PELO: variants seen among roughly 807,000 people sequenced by gnomAD.
PELO encodes the protein protein pelota homolog.
Under a neutral mutation model 25.9 loss-of-function variants are expected in PELO, and 19 were observed. The ratio of observed to expected loss-of-function variants is 0.73; its 90% confidence interval spans 0.51 to 1.08. The LOEUF (loss-of-function observed/expected upper bound fraction) is 1.08. PELO is among the 50% of genes least tolerant of loss of function. PELO has a pLI of 0.00. For missense variants in PELO, 498 were observed against 491.4 expected, an observed-to-expected ratio of 1.01 and a Z score of -0.13; for synonymous variants, 196 against 192.2, an observed-to-expected ratio of 1.02 and a Z score of -0.16.
intron 1 of PELO, among the ~76,000 whole-genome samples, chr5:52,794,194 G>T (rs755496882): frequency 1.2e-4 from 18 of 151,780 alleles, no homozygotes; most frequent in Admixed American, 3.9e-4. Flanking sequence ...TACTCTTTTT[G>T]TATGAATTAT....
chr5:52,789,258 T>TG (rs369705961), intron 1 of PELO, among the ~76,000 whole-genome samples: 3 of 151,770 alleles, frequency 2.0e-5, no homozygotes, highest in Non-Finnish European at 2.9e-5. Context: ...TGGAAGAAGG[T>TG]GGGGGGAAAG....
intron 1 of PELO, among the ~76,000 whole-genome samples, chr5:52,798,107 CT>C (rs199573378): frequency 6.6e-6 from 1 of 152,168 alleles, no homozygotes; most frequent in African/African-American, 2.4e-5. Context: ...TAACAAGATA[CT>C]TTTTTTAAAA....
rs1372608245 is a variant in PELO, at chr5:52,800,127, C to T, written c.-268C>T. Reference sequence around the variant, plus strand: ...TCAGCCCGCTGTTGCGTGCTGCCAGCGGGAACTGTGTAGGGGTAGATTTTC... The same window carrying T: ...TCAGCCCGCTGTTGCGTGCTGCCAGTGGGAACTGTGTAGGGGTAGATTTTC... On this transcript the variant is annotated 5_prime_UTR_variant, in exon 2 of 3. Coordinates refer to ENST00000274311, the MANE Select transcript of PELO (RefSeq NM_015946.5). 9 of 429,744 alleles carry T rather than the reference C, an allele frequency of 2.1e-5. No homozygotes were observed. The highest frequency in any genetic ancestry group is 2.9e-5 in the South Asian group (1 of 34,692). The allele number at this position is 429,744 out of a possible 1,614,324, so 26.6% of individuals were successfully genotyped here.
At position 52,796,923 on chromosome 5, in the gene PELO, G is replaced by A. The variant is rs117582756; in HGVS notation, c.-510-2962G>A. 3.4e-4 allele frequency among the ~76,000 whole-genome samples: 52 copies of A among 152,196 alleles called. No individual in the cohort carries two copies. In the East Asian group the frequency reaches 0.01, roughly 29 times the overall value. ...AACAGAGAAGTTAGTATGAGTTAAG[G>A]TAGCAAACGAGAAAGTTCCTAGCAT... On this transcript the variant is annotated intron_variant, in intron 1 of 2. Coordinates refer to ENST00000274311, the MANE Select transcript of PELO (RefSeq NM_015946.5).
Position 52,800,110 on chromosome 5 carries a change from C to T in PELO, c.-285C>T, listed in dbSNP as rs149631974. The T allele has an allele frequency of 2.2e-3, 871 of 391,194 alleles. 9 individuals are homozygous for T. The highest frequency in any genetic ancestry group is 0.016 in the African/African-American group (785 of 48,238). 24.2% of individuals were successfully genotyped at this position (391,194 alleles called of 1,614,324 possible). A position where few individuals can be genotyped will look rare whatever the true frequency, so the allele number is the denominator to read the frequency against. ...CATGCGCCTTCATTTCGTCAGCCCGCTGTTGCGTGCTGCCAGCGGGAACTG... is the reference window on the plus strand; with the variant it reads ...CATGCGCCTTCATTTCGTCAGCCCGTTGTTGCGTGCTGCCAGCGGGAACTG... On this transcript the variant is annotated 5_prime_UTR_variant, in exon 2 of 3. Coordinates refer to ENST00000274311, the MANE Select transcript of PELO (RefSeq NM_015946.5).
chr5:52,798,278 G>A (rs373635841), intron 1 of PELO, among the ~76,000 whole-genome samples: 1 of 152,140 alleles, frequency 6.6e-6, no homozygotes, highest in East Asian at 1.9e-4. Context: ...GAAGAAGGAG[G>A]AAGTAAGGGG....
intron 1 of PELO, among the ~76,000 whole-genome samples, chr5:52,794,419 A>G (rs1748299431): frequency 6.6e-6 from 1 of 151,898 alleles, no homozygotes; most frequent in Admixed American, 6.6e-5. Context: ...CAATCCTTAA[A>G]AATATCTGTG....
Position 52,800,063 on chromosome 5 carries a change from G to C in PELO, c.-332G>C, listed in dbSNP as rs16880278. ...CCTTTGGGGACGGGAGACGTGCGTC[G>C]GGTCGCGGGACGGGGGCTGCGCATG... On this transcript the variant is annotated 5_prime_UTR_variant, in exon 2 of 3. Transcript: ENST00000274311. 178 of 320,134 alleles carry C rather than the reference G, an allele frequency of 5.6e-4. No homozygotes were observed. The highest frequency in any genetic ancestry group is 5.5e-3 in the East Asian group (72 of 12,976). 19.8% of individuals were successfully genotyped at this position (320,134 alleles called of 1,614,324 possible).
chr5:52,788,020 T>G lies in PELO; in HGVS notation c.-905T>G. 3.4e-6 allele frequency: 1 copy of G among 296,560 alleles called. No individual in the cohort carries two copies. The highest frequency in any genetic ancestry group is 6.2e-6 in the Non-Finnish European group (1 of 160,092). 18.4% of individuals were successfully genotyped at this position (296,560 alleles called of 1,614,324 possible). A position where few individuals can be genotyped will look rare whatever the true frequency, so the allele number is the denominator to read the frequency against. On this transcript the variant is annotated 5_prime_UTR_variant, in exon 1 of 3. Transcript: ENST00000274311. ...GGTTTGCTTCTACAGCCCGTGGACT[T>G]TAGCCTAAACACGGACCCGCGAAGC...
In PELO at chr5:52,801,857, T is replaced by C. The variant is rs1748495345; in HGVS notation, c.*17T>C. On this transcript the variant is annotated 3_prime_UTR_variant, in exon 3 of 3. Coordinates refer to ENST00000274311, the MANE Select transcript of PELO (RefSeq NM_015946.5). ...GAGGATTAATGATTGAAACTTAAAA[T>C]TGAGACAATCTTGTGTTTCCTAAAC... 1 of 1,545,888 alleles carries C rather than the reference T, an allele frequency of 6.5e-7. No individual in the cohort carries two copies. The highest frequency in any genetic ancestry group is 8.8e-7 in the Non-Finnish European group (1 of 1,141,502).
At position 52,788,489 on chromosome 5, in the gene PELO, A is replaced by G. The variant is rs529484465; in HGVS notation, c.-511+75A>G. 2.0e-5 allele frequency: 25 copies of G among 1,237,664 alleles called. No homozygotes were observed. In the African/African-American group the frequency reaches 3.3e-4, roughly 16 times the overall value. 76.7% of individuals were successfully genotyped at this position (1,237,664 alleles called of 1,614,324 possible). A position where few individuals can be genotyped will look rare whatever the true frequency, so the allele number is the denominator to read the frequency against. Reference sequence around the variant, plus strand: ...TTGGAGCGGGGAGGGAGGTCCTCAGAGCCATGGGCCAGATAGGAAGAGAGA... The same window carrying G: ...TTGGAGCGGGGAGGGAGGTCCTCAGGGCCATGGGCCAGATAGGAAGAGAGA... On this transcript the variant is annotated intron_variant, in intron 1 of 2. Coordinates refer to ENST00000274311, the MANE Select transcript of PELO (RefSeq NM_015946.5).
rs1748526957 is a variant in PELO, at chr5:52,803,371, A to AAGAATAT, written c.*1536_*1542dup. 1 of 152,210 alleles carries AAGAATAT rather than the reference A, an allele frequency of 6.6e-6. No individual in the cohort carries two copies. Among genetic ancestry groups the AAGAATAT allele is most frequent in the African/African-American group, 2.4e-5 (1 of 41,456 alleles). 9.4% of individuals were successfully genotyped at this position (152,210 alleles called of 1,614,324 possible). Reference sequence around the variant, plus strand: ...CAAATATGTTACTAAATAATTTAATAAGAATATAGAAATGAAGCCACTGAG... The same window carrying AAGAATAT: ...CAAATATGTTACTAAATAATTTAATAAGAATATAGAATATAGAAATGAAGCCACTGAG... On this transcript the variant is annotated 3_prime_UTR_variant, in exon 3 of 3. Transcript: ENST00000274311.
intron 1 of PELO, among the ~76,000 whole-genome samples, chr5:52,794,500 T>TAAACACACACACAC (rs1748301482): frequency 1.4e-5 from 2 of 141,834 alleles, no homozygotes; most frequent in African/African-American, 5.2e-5. Flanking sequence ...CAAATAGAAA[T>TAAACACACACACAC]ACACACACAC....
At position 52,800,108 on chromosome 5, in the gene PELO, C is replaced by T. The variant is rs552637414; in HGVS notation, c.-287C>T. Reference sequence around the variant, plus strand: ...CGCATGCGCCTTCATTTCGTCAGCCCGCTGTTGCGTGCTGCCAGCGGGAAC... The same window carrying T: ...CGCATGCGCCTTCATTTCGTCAGCCTGCTGTTGCGTGCTGCCAGCGGGAAC... On this transcript the variant is annotated 5_prime_UTR_variant, in exon 2 of 3. Coordinates refer to ENST00000274311, the MANE Select transcript of PELO (RefSeq NM_015946.5). 85 of 387,066 alleles carry T rather than the reference C, an allele frequency of 2.2e-4. No individual in the cohort carries two copies. The highest frequency in any genetic ancestry group is 3.2e-4 in the Non-Finnish European group (68 of 211,624). The allele number at this position is 387,066 out of a possible 1,614,324, so 24.0% of individuals were successfully genotyped here.
At position 52,801,028 on chromosome 5, in the gene PELO, T is replaced by A; in HGVS notation, c.634T>A (p.Phe212Ile). The A allele has an allele frequency of 6.2e-7, 1 of 1,614,044 alleles. No individual in the cohort carries two copies. Among genetic ancestry groups the A allele is most frequent in the African/African-American group, 1.3e-5 (1 of 74,988 alleles). ...VKCILVASPG[F>I]VREQFCDYLF... ...GTGCATCCTGGTGGCCAGCCCAGGA[T>A]TTGTGAGGGAGCAGTTCTGCGACTA... Residue 212 changes from phenylalanine (F) to isoleucine (I), a missense_variant, in exon 2 of 3, where the codon TTT becomes ATT. Phe to Ile is a conservative substitution (Grantham distance 21). Transcript: ENST00000274311.
At position 52,800,447 on chromosome 5, in the gene PELO, T is replaced by TG. The variant is rs1421472405; in HGVS notation, c.55dup (p.Val19GlyfsTer6). On this transcript the variant is annotated frameshift_variant, in exon 2 of 3. Coordinates refer to ENST00000274311, the MANE Select transcript of PELO (RefSeq NM_015946.5). LOFTEE classifies it high-confidence loss of function. ...AAGGACAATGCGGGCCAGGTGACCC[T>TG]GGTCCCCGAGGAGCCTGAGGACATG... 6.2e-7 allele frequency: 1 copy of TG among 1,613,994 alleles called. No individual in the cohort carries two copies. Among genetic ancestry groups the TG allele is most frequent in the Admixed American group, 1.7e-5 (1 of 60,022 alleles).
At chr5:52,798,868 C>T (rs1008493040) in intron 1 of PELO, among the ~76,000 whole-genome samples, 13 of 152,166 alleles carry the variant, frequency 8.5e-5, no homozygotes, top group African/African-American at 2.6e-4. Context: ...AAAATATGAG[C>T]GAGGTGTGTA....
intron 1 of PELO, among the ~76,000 whole-genome samples, chr5:52,791,584 A>G (rs1580018877): frequency 6.6e-6 from 1 of 152,254 alleles, no homozygotes. Context: ...GGGCAAGACA[A>G]TCAATAACAG....
Position 52,800,127 on chromosome 5 carries a change from CGGGAACTGTGTA to C in PELO, c.-264_-253del. The C allele has an allele frequency of 2.3e-6, 1 of 429,862 alleles. No homozygotes were observed. The highest frequency in any genetic ancestry group is 4.2e-6 in the Non-Finnish European group (1 of 237,794). 26.6% of individuals were successfully genotyped at this position (429,862 alleles called of 1,614,324 possible). ...TCAGCCCGCTGTTGCGTGCTGCCAG[CGGGAACTGTGTA>C]GGGGTAGATTTTCGCTGCAGTGTTC... On this transcript the variant is annotated 5_prime_UTR_variant, in exon 2 of 3. Coordinates refer to ENST00000274311, the MANE Select transcript of PELO (RefSeq NM_015946.5).
Sources: allele counts gnomAD v4.1 joint callset (sites outside exome capture counted in the v4.1 genomes callset), GRCh38; gene constraint gnomAD v4.1.1; transcripts MANE v1.5; gene names NCBI Gene and HGNC (gene_info 2026-07-23, HGNC 2026-07-21).